WDR20: variants seen among roughly 807,000 people sequenced by gnomAD.
WDR20 encodes the protein WD repeat-containing protein 20.
WDR20 carries 3 observed loss-of-function variants against 38.7 expected under a neutral mutation model. The ratio of observed to expected loss-of-function variants is 0.08; its 90% CI spans 0.04 to 0.20. The LOEUF is 0.20. WDR20 is among the 10% of genes least tolerant of loss of function. WDR20 has a pLI of 1.00. For missense variants in WDR20, 559 were observed against 727.7 expected, an observed-to-expected ratio of 0.77 and a Z score of 2.67; for synonymous variants, 298 against 285.6, an observed-to-expected ratio of 1.04 and a Z score of -0.44.
chr14:102,139,888 C>T (rs1160082677), upstream of WDR20: 2 of 1,600,856 alleles, frequency 1.2e-6, no homozygotes, highest in Non-Finnish European at 1.7e-6. Flanking sequence ...GGGCGTGATC[C>T]GGGCACTTAG....
chr14:102,182,722 T>A (rs1030696014), intron 1 of WDR20, among the ~76,000 whole-genome samples: 1 of 151,904 alleles, frequency 6.6e-6, no homozygotes, highest in Non-Finnish European at 1.5e-5. Flanking sequence ...TAATATATGA[T>A]TATTGACAAA....
chr14:102,176,795 G>A lies in WDR20; in HGVS notation c.250-18143G>A, dbSNP rs2062212484. 2.0e-5 allele frequency among the ~76,000 whole-genome samples: 3 copies of A among 151,862 alleles called. No homozygotes were observed. In the South Asian group the frequency reaches 6.3e-4, roughly 32 times the overall value. On this transcript the variant is annotated intron_variant, in intron 1 of 2. Coordinates refer to ENST00000342702, the MANE Select transcript of WDR20 (RefSeq NM_144574.4). Reference sequence around the variant, plus strand: ...GTCTCCCAGGCTGGAGTGCAGTGGCGCCATCTCGGCTTATTGCAAGCTCCG... The same window carrying A: ...GTCTCCCAGGCTGGAGTGCAGTGGCACCATCTCGGCTTATTGCAAGCTCCG...
At chr14:102,211,547 G>A (rs1213786301), downstream of WDR20, among the ~76,000 whole-genome samples, 1 of 152,226 alleles carries the variant, frequency 6.6e-6, no homozygotes, top group East Asian at 1.9e-4. This position sits in a 1 kb window ranked among gnomAD's most constrained non-coding sequence, Gnocchi z 4.2. Context: ...GCCTTCAGGT[G>A]CATCTCTCCT....
chr14:102,212,992 C>T (rs1018653960), downstream of WDR20: 19 of 996,130 alleles, frequency 1.9e-5, no homozygotes, highest in African/African-American at 2.8e-4. Context: ...GTCAGGTGCA[C>T]GCTGCGTGGC....
At chr14:102,140,747 T>G (rs1351895700) in intron 1 of WDR20, among the ~76,000 whole-genome samples, 2 of 152,202 alleles carry the variant, frequency 1.3e-5, no homozygotes, top group African/African-American at 4.8e-5. Flanking sequence ...ACATTTCTAT[T>G]TCCAAAAACA....
intron 1 of WDR20, among the ~76,000 whole-genome samples, chr14:102,187,458 G>A (rs1204269781): frequency 6.6e-6 from 1 of 152,136 alleles, no homozygotes; most frequent in Non-Finnish European, 1.5e-5. Context: ...TGAATATGAG[G>A]ATAGGGGACT....
downstream of WDR20, among the ~76,000 whole-genome samples, chr14:102,218,990 G>A (rs1197598755): frequency 6.6e-6 from 1 of 152,214 alleles, no homozygotes; most frequent in African/African-American, 2.4e-5. Context: ...GAAGGACAGG[G>A]TAAAACCCCA....
intron 1 of WDR20, 110 bp from the exon 2 acceptor site, chr14:102,194,828 A>G: frequency 1.6e-6 from 2 of 1,227,438 alleles, no homozygotes; most frequent in Non-Finnish European, 2.3e-6. Context: ...AACATTTTAA[A>G]TCACTTTGTT....
In WDR20 at chr14:102,220,778, CTT is replaced by C. The variant is rs1372017738; in HGVS notation, c.1693-2049_1693-2048del. On this transcript the variant is annotated intron_variant, in intron 3 of 3. Transcript: ENST00000335263. This position sits in a 1 kb window ranked among gnomAD's most constrained non-coding sequence, Gnocchi z 4.2. ...AATGTCACTTGTTTTTATTATCTAT[CTT>C]TTCATTTTTTGAGACAGGGTCTTGC... 1.3e-5 allele frequency among the ~76,000 whole-genome samples: 2 copies of C among 151,208 alleles called. No homozygotes were observed. Among genetic ancestry groups the C allele is most frequent in the Non-Finnish European group, 2.9e-5 (2 of 67,810 alleles).
chr14:102,158,854 C>T (rs557644900), intron 1 of WDR20, among the ~76,000 whole-genome samples: 5 of 152,214 alleles, frequency 3.3e-5, no homozygotes, highest in South Asian at 4.1e-4. Flanking sequence ...TTTGGCTAAT[C>T]GGTATTCTCT....
intron 1 of WDR20, among the ~76,000 whole-genome samples, chr14:102,148,975 C>T (rs1486293314): frequency 6.6e-6 from 1 of 152,148 alleles, no homozygotes; most frequent in African/African-American, 2.4e-5. Flanking sequence ...TCCTGGCTAA[C>T]ACAGCGACAC....
chr14:102,139,896 T>G, upstream of WDR20: 2 of 1,606,334 alleles, frequency 1.2e-6, no homozygotes, highest in African/African-American at 1.3e-5. Flanking sequence ...TCCGGGCACT[T>G]AGGGCAGGAT....
At chr14:102,147,022 G>A (rs969149759) in intron 1 of WDR20, among the ~76,000 whole-genome samples, 47 of 152,154 alleles carry the variant, frequency 3.1e-4, no homozygotes, top group African/African-American at 1.1e-3. Context: ...ATACTGAGGG[G>A]AAAGCATCTT....
At chr14:102,182,671 G>C (rs183691129) in intron 1 of WDR20, among the ~76,000 whole-genome samples, 27 of 151,814 alleles carry the variant, frequency 1.8e-4, no homozygotes, top group African/African-American at 6.3e-4. Flanking sequence ...AATAGTTTTA[G>C]TAGTTTTTTT....
At chr14:102,210,979 C>T (rs2062444717), downstream of WDR20, among the ~76,000 whole-genome samples, 1 of 152,186 alleles carries the variant, frequency 6.6e-6, no homozygotes, top group South Asian at 2.1e-4. Flanking sequence ...GCGTAGGCTT[C>T]GTCCTCAGTG....
chr14:102,167,485 A>C (rs1265455385), intron 1 of WDR20: 1 of 152,236 alleles, frequency 6.6e-6, no homozygotes, highest in Non-Finnish European at 1.5e-5. Flanking sequence ...CCTCCAGAGC[A>C]CTGGGATAAT....
rs1491558046 is a variant in WDR20 at position 102,161,143 on chromosome 14, T to TATATATATATATATATATATA, written c.249+20971_249+20972insATATATATATATATATATATA. 7.7e-3 allele frequency among the ~76,000 whole-genome samples: 86 copies of TATATATATATATATATATATA among 11,212 alleles called. 4 individuals are homozygous for TATATATATATATATATATATA. The highest frequency in any genetic ancestry group is 9.0e-3 in the Non-Finnish European group (66 of 7,326). 7.4% of individuals were successfully genotyped at this position (11,212 alleles called of 152,430 possible). On this transcript the variant is annotated intron_variant, in intron 1 of 2. Transcript: ENST00000342702. ...CTGCATATATATATATATATATATA[T>TATATATATATATATATATATA]TTTTTTTTTTTTTTTTTTTTTTTTT...
At chr14:102,218,884 C>T (rs1244738249), downstream of WDR20, among the ~76,000 whole-genome samples, 1 of 152,258 alleles carries the variant, frequency 6.6e-6, no homozygotes, top group Non-Finnish European at 1.5e-5. Context: ...CTCCCGCACG[C>T]TGCTGAGCAC....
chr14:102,141,488 CT>C (rs572259775), intron 1 of WDR20, among the ~76,000 whole-genome samples: 1 of 148,952 alleles, frequency 6.7e-6, no homozygotes. Context: ...ATCGCTTGAC[CT>C]TTTTTTTTTC....
Sources: gnomAD v4.1 joint callset for allele counts (sites outside exome capture counted in the v4.1 genomes callset) on GRCh38, gnomAD v4.1.1 for gene constraint, Gnocchi (gnomAD v3.1) non-coding constraint, MANE v1.5 for transcripts, NCBI Gene and HGNC (gene_info 2026-07-23, HGNC 2026-07-21) for gene names.